CALU: variants seen among roughly 807,000 people sequenced by gnomAD.
CALU encodes the protein IEF SSP 9302.
Under a neutral mutation model 37.5 loss-of-function variants are expected in CALU, and 13 were observed. The ratio of observed to expected loss-of-function variants is 0.35; its 90% CI spans 0.23 to 0.55. CALU has a LOEUF of 0.55. Ranked by LOEUF, CALU falls within the 20% of genes least tolerant of loss-of-function variation. The pLI, the probability that CALU is intolerant of heterozygous loss-of-function variation, is 0.89. For synonymous variants in CALU, 114 were observed against 133.8 expected (o/e 0.85, Z 1.02); for missense variants, 282 against 391.7 (o/e 0.72, Z 2.36).
In CALU at chr7:128,772,292, A is replaced by G. The variant is rs963137310; in HGVS notation, c.*3125A>G. Among the ~76,000 whole-genome samples the G allele has an allele frequency of 1.3e-5, 2 of 152,110 alleles. No homozygotes were observed. Among genetic ancestry groups the G allele is most frequent in the African/African-American group, 4.8e-5 (2 of 41,412 alleles). On this transcript the variant is annotated 3_prime_UTR_variant, in exon 7 of 7. Coordinates refer to ENST00000249364, the MANE Select transcript of CALU (RefSeq NM_001219.5). Reference sequence around the variant, plus strand: ...TTCTCCAAGTGCTGTGAATGGTGCCACTTAGGAGTAGAAACTGATGATTGT... The same window carrying G: ...TTCTCCAAGTGCTGTGAATGGTGCCGCTTAGGAGTAGAAACTGATGATTGT...
intron 4 of CALU, among the ~76,000 whole-genome samples, 191 bp from the exon 5 acceptor site, chr7:128,759,601 C>T (rs1801021444): frequency 1.3e-5 from 2 of 152,194 alleles, no homozygotes; most frequent in Non-Finnish European, 2.9e-5. Flanking sequence ...GGAAATTGCT[C>T]ATGTTTTACC....
At chr7:128,764,483 G>A (rs186667792) in intron 5 of CALU, among the ~76,000 whole-genome samples, 14 of 152,098 alleles carry the variant, frequency 9.2e-5, no homozygotes, top group African/African-American at 2.7e-4. Flanking sequence ...AAAGTAATTC[G>A]GAAAGAAATC....
At chr7:128,743,972 G>A (rs933516071) in intron 1 of CALU, among the ~76,000 whole-genome samples, 19 of 152,258 alleles carry the variant, frequency 1.2e-4, no homozygotes, top group Non-Finnish European at 2.2e-4. Flanking sequence ...TTGGGAGGCC[G>A]AGACGGGAGA....
intron 2 of CALU, among the ~76,000 whole-genome samples, chr7:128,751,688 C>A (rs975494137): frequency 3.3e-5 from 5 of 152,170 alleles, no homozygotes; most frequent in African/African-American, 1.2e-4. Context: ...AATTGTACCA[C>A]TGCCCTCCAG....
chr7:128,758,053 C>A (rs897631938), intron 3 of CALU, among the ~76,000 whole-genome samples: 1 of 146,536 alleles, frequency 6.8e-6, no homozygotes, highest in Non-Finnish European at 1.5e-5. Context: ...ATATCCATTA[C>A]CCCCCCAACA....
intron 2 of CALU, among the ~76,000 whole-genome samples, chr7:128,752,888 T>C (rs1800732224): frequency 6.6e-6 from 1 of 152,212 alleles, no homozygotes; most frequent in Non-Finnish European, 1.5e-5. Flanking sequence ...TTTCACCATG[T>C]TGGCCAGGCT....
chr7:128,755,804 A>G (rs530670935), intron 3 of CALU, among the ~76,000 whole-genome samples: 1 of 152,356 alleles, frequency 6.6e-6, no homozygotes, highest in African/African-American at 2.4e-5. Flanking sequence ...TTGTATTAAT[A>G]TAAATGAATA....
chr7:128,753,239 T>A (rs565820548), intron 2 of CALU, among the ~76,000 whole-genome samples: 1 of 152,372 alleles, frequency 6.6e-6, no homozygotes, highest in East Asian at 1.9e-4. Context: ...TGACAATCTT[T>A]TCAATCCTGC....
Position 128,772,175 on chromosome 7 carries a change from G to GAA in CALU, c.*3020_*3021dup, listed in dbSNP as rs397748997. ...TCATCTCAGAATGGATCCCCAGCAG[G>GAA]AAAAAAAAAAAAAGTTACTAAAAAG... On this transcript the variant is annotated 3_prime_UTR_variant, in exon 7 of 7. Coordinates refer to ENST00000249364, the MANE Select transcript of CALU (RefSeq NM_001219.5). 3.2e-4 allele frequency among the ~76,000 whole-genome samples: 46 copies of GAA among 143,786 alleles called. No homozygotes were observed. Among genetic ancestry groups the GAA allele is most frequent in the Middle Eastern group, 3.5e-3 (1 of 286 alleles). 94.3% of individuals were successfully genotyped at this position (143,786 alleles called of 152,430 possible). A position where few individuals can be genotyped will look rare whatever the true frequency, so the allele number is the denominator to read the frequency against.
At chr7:128,752,069 A>G (rs2128879404) in intron 2 of CALU, among the ~76,000 whole-genome samples, 1 of 152,300 alleles carries the variant, frequency 6.6e-6, no homozygotes, top group African/African-American at 2.4e-5. Context: ...CTTCCAGTGT[A>G]CTTACACAAC....
chr7:128,748,831 G>T, intron 2 of CALU, 27 bp downstream of exon 2: 1 of 1,472,748 alleles, frequency 6.8e-7, no homozygotes, highest in Non-Finnish European at 9.5e-7. Context: ...CAGGGGTCTA[G>T]TGTGGGTAAT....
rs930510002 is a variant in CALU at position 128,773,373 on chromosome 7, G to A, written c.*4206G>A. Among the ~76,000 whole-genome samples the A allele has an allele frequency of 3.9e-5, 6 of 152,114 alleles. No individual in the cohort carries two copies. Among genetic ancestry groups the A allele is most frequent in the African/African-American group, 1.2e-4 (5 of 41,402 alleles). On this transcript the variant is annotated 3_prime_UTR_variant, in exon 7 of 7. Coordinates refer to ENST00000249364, the MANE Select transcript of CALU (RefSeq NM_001219.5). ...CGTGTGCCATGGTGGTTTGCTGCAC[G>A]AGTTTTTCAATAAAATGCTTTCATT...
At chr7:128,746,679 C>T (rs572295352) in intron 1 of CALU, among the ~76,000 whole-genome samples, 30 of 152,034 alleles carry the variant, frequency 2.0e-4, no homozygotes, top group Middle Eastern at 3.4e-3. Flanking sequence ...CTTAAACTCC[C>T]GGATGCAAGT....
chr7:128,765,305 C>T (rs1326533244), intron 5 of CALU, among the ~76,000 whole-genome samples: 1 of 152,158 alleles, frequency 6.6e-6, no homozygotes, highest in Non-Finnish European at 1.5e-5. Flanking sequence ...ATTGCAGCCT[C>T]GATCTGCTAG....
rs113361845 is a variant in CALU at position 128,743,669 on chromosome 7, C to G, written c.-12+4237C>G. ...TCCCCGGTAGCTGGGACTATAGCTG[C>G]GCCACCACACCCAGCTAATTTTTTG... On this transcript the variant is annotated intron_variant, in intron 1 of 6. Coordinates refer to ENST00000249364, the MANE Select transcript of CALU (RefSeq NM_001219.5). Among the ~76,000 whole-genome samples the G allele has an allele frequency of 3.9e-3, 588 of 152,072 alleles. 1 individual carries two copies. Among genetic ancestry groups the G allele is most frequent in the African/African-American group, 0.013 (545 of 41,496 alleles).
At chr7:128,750,009 G>A (rs1171200840) in intron 2 of CALU, among the ~76,000 whole-genome samples, 2 of 151,982 alleles carry the variant, frequency 1.3e-5, no homozygotes, top group Admixed American at 6.6e-5. Context: ...GTTGGATCAC[G>A]AGGTCAGGAG....
chr7:128,751,588 A>G (rs552952469), intron 2 of CALU, among the ~76,000 whole-genome samples: 2 of 151,332 alleles, frequency 1.3e-5, no homozygotes, highest in African/African-American at 2.4e-5. Flanking sequence ...TCAGCTAGGC[A>G]TGGTGGCATG....
chr7:128,752,742 T>A (rs1448631805), intron 2 of CALU, among the ~76,000 whole-genome samples: 1 of 152,210 alleles, frequency 6.6e-6, no homozygotes, highest in Non-Finnish European at 1.5e-5. Flanking sequence ...TGGAGTGCAG[T>A]GGCGCGATCT....
intron 1 of CALU, among the ~76,000 whole-genome samples, chr7:128,745,516 G>A (rs758720809): frequency 4.6e-5 from 7 of 152,036 alleles, no homozygotes; most frequent in Non-Finnish European, 1.0e-4. Context: ...GAAGTGGGAG[G>A]ATGGTCTGAG....
Sources: allele counts gnomAD v4.1 joint callset (sites outside exome capture counted in the v4.1 genomes callset), GRCh38; gene constraint gnomAD v4.1.1; transcripts MANE v1.5; gene names NCBI Gene and HGNC (gene_info 2026-07-23, HGNC 2026-07-21).